The following SIGLEC10 variants were observed in gnomAD, a reference collection of about 807,000 sequenced individuals.
The protein encoded by SIGLEC10 is sialic acid binding Ig like lectin 10.
SIGLEC10 carries 45 observed loss-of-function variants against 68.3 expected under a neutral mutation model. The observed-to-expected ratio is 0.66, with a 90% CI of 0.52 to 0.84. The LOEUF is 0.84. Ranked by LOEUF, SIGLEC10 falls within the 40% of genes least tolerant of loss-of-function variation. The pLI, the probability that SIGLEC10 is intolerant of heterozygous loss-of-function variation, is 0.00. For synonymous variants in SIGLEC10, 379 were observed against 370.8 expected (o/e 1.02, Z -0.26); for missense variants, 789 against 883.1 (o/e 0.89, Z 1.35).
chr19:51,417,117 T>C lies in SIGLEC10; in HGVS notation c.386A>G (p.Asn129Ser). ...RVERGSYVRYNFMNDGFFLKV... is the reference protein window; with the variant it reads ...RVERGSYVRYSFMNDGFFLKV... ...TAGAAAGAACCCATCGTTCATGAAA[T>C]TATATCTCACATAGCTTCCTCTCTC... Residue 129 changes from asparagine (N) to serine (S), a missense_variant, in exon 2 of 11, where the codon AAT becomes AGT. Coordinates refer to ENST00000339313, the MANE Select transcript of SIGLEC10 (RefSeq NM_033130.5). 2 of 1,614,142 alleles carry C rather than the reference T, an allele frequency of 1.2e-6. No homozygotes were observed. Among genetic ancestry groups the C allele is most frequent in the East Asian group, 4.5e-5 (2 of 44,878 alleles).
chr19:51,417,200 G>C lies in SIGLEC10; in HGVS notation c.303C>G (p.Cys101Trp), dbSNP rs754850148. Residue 101 changes from cysteine to tryptophan, a missense_variant, in exon 2 of 11, where the codon TGC becomes TGG. Cys to Trp is a radical substitution (Grantham distance 215, BLOSUM62 -2). Transcript: ENST00000339313. ...TCTGCGCGTCTCTGATCACCAAGGA[G>C]CAGTTCCCCTTGGCGGGATCCCCAG... ...QLTGDPAKGN[C>W]SLVIRDAQMQ... The C allele has an allele frequency of 6.2e-7, 1 of 1,614,220 alleles. No homozygotes were observed. The highest frequency in any genetic ancestry group is 1.1e-5 in the South Asian group (1 of 91,084).
Position 51,416,017 on chromosome 19 carries a change from C to A in SIGLEC10, c.905G>T (p.Gly302Val), listed in dbSNP as rs1191523341. 6.2e-7 allele frequency: 1 copy of A among 1,613,300 alleles called. No individual in the cohort carries two copies. The highest frequency in any genetic ancestry group is 1.3e-5 in the African/African-American group (1 of 74,908). Residue 302 changes from glycine to valine, a missense_variant, in exon 5 of 11, where the codon GGC (glycine) becomes GTC (valine). Coordinates refer to ENST00000339313, the MANE Select transcript of SIGLEC10 (RefSeq NM_033130.5). ...CAGCTCCAGCCCCAGGGGTCTAGGG[C>A]CCCAGGGATGGGACGAGGAGAGGAC... ...NRVLSSSHPW[G>V]PRPLGLELPG...
Position 51,415,322 on chromosome 19 carries a change from G to C in SIGLEC10, c.1189C>G (p.Gln397Glu). 2 of 1,613,794 alleles carry C rather than the reference G, an allele frequency of 1.2e-6. No homozygotes were observed. Among genetic ancestry groups the C allele is most frequent in the Non-Finnish European group, 1.7e-6 (2 of 1,179,810 alleles). The change falls in exon 7 of 11, where the codon CAG becomes GAG. Residue 397 changes from glutamine to glutamate, a missense_variant. Coordinates refer to ENST00000339313, the MANE Select transcript of SIGLEC10 (RefSeq NM_033130.5). ...PARLSWTQRG[Q>E]VLSPSQPSDP... is the part of the protein sequence containing the mutation. ...GAGGGCTGGGAGGGGCTCAGAACCTGTCCCCTCTGGGTCCAGCTCAGCCTG... is the reference window on the plus strand; with the variant it reads ...GAGGGCTGGGAGGGGCTCAGAACCTCTCCCCTCTGGGTCCAGCTCAGCCTG...
At position 51,415,115 on chromosome 19, in the gene SIGLEC10, G is replaced by C. The variant is rs1377468474; in HGVS notation, c.1331-7C>G. 6.4e-7 allele frequency: 1 copy of C among 1,571,692 alleles called. No homozygotes were observed. The highest frequency in any genetic ancestry group is 1.2e-5 in the South Asian group (1 of 84,406). The stretch of plus-strand genomic sequence containing the variant: ...CCCAGCAGCTTCGGGGAGTCTGAGG[G>C]GAGGGAGGACAGGACTCAGCAGGGT... On this transcript the variant is annotated splice_polypyrimidine_tract_variant and splice_region_variant and intron_variant, in intron 7 of 10. Transcript: ENST00000339313.
In SIGLEC10 at chr19:51,416,679, T is replaced by G. The variant is rs1428952619; in HGVS notation, c.693A>C (p.Arg231=). The change falls in exon 3 of 11, where the codon CGA becomes CGC. Residue 231 remains arginine, a synonymous_variant. Transcript: ENST00000339313. Reference sequence around the variant, plus strand: ...GGCCACACTCACAGGCCACACGGAGTCGGACGGTCCTCTGTGCGCTCACAC... The same window carrying G: ...GGCCACACTCACAGGCCACACGGAGGCGGACGGTCCTCTGTGCGCTCACAC... The part of the protein sequence containing the change: ...RKGVSAQRTV[R]LRVAYAPRDL... The G allele has an allele frequency of 6.2e-7, 1 of 1,613,294 alleles. No homozygotes were observed. The highest frequency in any genetic ancestry group is 8.5e-7 in the Non-Finnish European group (1 of 1,179,944).
chr19:51,415,871 C>T, intron 5 of SIGLEC10, 27 bp downstream of exon 5: 3 of 1,612,070 alleles, frequency 1.9e-6, no homozygotes, highest in Non-Finnish European at 2.5e-6. Context: ...TCCCAATGGA[C>T]TCCAGGCCCC....
chr19:51,417,363 CG>C lies in SIGLEC10; in HGVS notation c.139del (p.Arg47AspfsTer18). ...ISVPCSFSYP[R>X]QDWTGSTPAY... ...TGGGGTAGACCCTGTCCAGTCCTGT[CG>C]GGGGTAGGAGAAAGAGCAGGGCACA... On this transcript the variant is annotated frameshift_variant, in exon 2 of 11. Transcript: ENST00000339313. LOFTEE classifies it high-confidence loss of function. 1.2e-6 allele frequency: 2 copies of C among 1,614,176 alleles called. No homozygotes were observed. Among genetic ancestry groups the C allele is most frequent in the Non-Finnish European group, 1.7e-6 (2 of 1,180,022 alleles).
In SIGLEC10 at chr19:51,415,189, G is replaced by A; in HGVS notation, c.1322C>T (p.Ser441Phe). 3 of 1,606,480 alleles carry A rather than the reference G, an allele frequency of 1.9e-6. No homozygotes were observed. Among genetic ancestry groups the A allele is most frequent in the Non-Finnish European group, 2.6e-6 (3 of 1,175,998 alleles). Reference protein sequence around the residue: ...LGSQHVSLSLSVHYSPKLLGP... With the variant: ...LGSQHVSLSLFVHYSPKLLGP... Reference sequence around the variant, plus strand: ...CCCTTTCCCCCACTCACAGTGCACGGAGAGGCTGAGAGAGACGTGCTGGGA... The same window carrying A: ...CCCTTTCCCCCACTCACAGTGCACGAAGAGGCTGAGAGAGACGTGCTGGGA... The change falls in exon 7 of 11, where the codon TCC becomes TTC. Residue 441 changes from serine (S) to phenylalanine (F), a missense_variant. Physicochemically the swap from Ser to Phe is radical, Grantham distance 155. Transcript: ENST00000339313.
Position 51,411,171 on chromosome 19 carries a change from G to T in SIGLEC10, c.2022C>A (p.Gly674=). Residue 674 remains glycine, a synonymous_variant, in exon 11 of 11, where the codon GGC becomes GGA. Coordinates refer to ENST00000339313, the MANE Select transcript of SIGLEC10 (RefSeq NM_033130.5). ...TCCGGGCCTCAGGCCTGGGTCTGACGCCTGGGAAGTTGAGCGTGGCATAAT... is the reference window on the plus strand; with the variant it reads ...TCCGGGCCTCAGGCCTGGGTCTGACTCCTGGGAAGTTGAGCGTGGCATAAT... ...ELHYATLNFP[G]VRPRPEARMP... 6.2e-7 allele frequency: 1 copy of T among 1,614,192 alleles called. No homozygotes were observed.
Position 51,415,374 on chromosome 19 carries a change from G to T in SIGLEC10, c.1137C>A (p.Val379=), listed in dbSNP as rs1334915150. The T allele has an allele frequency of 6.2e-7, 1 of 1,612,274 alleles. No homozygotes were observed. Among genetic ancestry groups the T allele is most frequent in the East Asian group, 2.2e-5 (1 of 44,844 alleles). Reference sequence around the variant, plus strand: ...CTGGGGGGCTGCTGTGTGTGACACAGACCAGGCACAGGCTTTGGCCCTCCA... The same window carrying T: ...CTGGGGGGCTGCTGTGTGTGACACATACCAGGCACAGGCTTTGGCCCTCCA... ...PVLEGQSLCL[V]CVTHSSPPAR... Residue 379 remains valine (V), a synonymous_variant, in exon 7 of 11, where the codon GTC becomes GTA. Coordinates refer to ENST00000339313, the MANE Select transcript of SIGLEC10 (RefSeq NM_033130.5).
Position 51,415,105 on chromosome 19 carries a change from G to A in SIGLEC10, c.1334C>T (p.Ser445Phe), listed in dbSNP as rs1165093361. 1.3e-6 allele frequency: 2 copies of A among 1,573,550 alleles called. No individual in the cohort carries two copies. Among genetic ancestry groups the A allele is most frequent in the South Asian group, 2.4e-5 (2 of 85,020 alleles). Residue 445 changes from serine to phenylalanine, a missense_variant, in exon 8 of 11, where the codon TCC becomes TTC. Physicochemically the swap from Ser to Phe is radical, Grantham distance 155. Coordinates refer to ENST00000339313, the MANE Select transcript of SIGLEC10 (RefSeq NM_033130.5). ...HVSLSLSVHY[S>F]PKLLGPSCSW... ...GCAGGAGGGGCCCAGCAGCTTCGGGGAGTCTGAGGGGAGGGAGGACAGGAC... is the reference window on the plus strand; with the variant it reads ...GCAGGAGGGGCCCAGCAGCTTCGGGAAGTCTGAGGGGAGGGAGGACAGGAC...
At chr19:51,411,414 T>G in intron 10 of SIGLEC10, 43 bp from the exon 11 acceptor site, 1 of 1,608,518 alleles carries the variant, frequency 6.2e-7, no homozygotes, top group Non-Finnish European at 8.5e-7. Context: ...ATTCAGCAAA[T>G]ATTTGAGCAC....
In SIGLEC10 at chr19:51,414,373, T is replaced by C. The variant is rs1403747671; in HGVS notation, c.1709+49A>G. The C allele has an allele frequency of 6.6e-7, 1 of 1,525,854 alleles. No homozygotes were observed. The highest frequency in any genetic ancestry group is 2.3e-5 in the East Asian group (1 of 44,062). The allele number at this position is 1,525,854 out of a possible 1,614,324, so 94.5% of individuals were successfully genotyped here. A position where few individuals can be genotyped will look rare whatever the true frequency, so the allele number is the denominator to read the frequency against. On this transcript the variant is annotated intron_variant, in intron 9 of 10. Coordinates refer to ENST00000339313, the MANE Select transcript of SIGLEC10 (RefSeq NM_033130.5). This position sits in a 1 kb window ranked among gnomAD's most constrained non-coding sequence, Gnocchi z 4.1. ...CTCTTTCGGCCTGCAACACCTCCCC[T>C]CTTCCTGGGTCCAGGCCCCAGACCC... is the stretch of plus-strand genomic sequence containing the variant.
Position 51,411,229 on chromosome 19 carries a change from G to T in SIGLEC10, c.1964C>A (p.Ala655Asp). ...SFPEPKSSTQAPESQESQEEL... is the reference protein window; with the variant it reads ...SFPEPKSSTQDPESQESQEEL... ...CTCTTGGCTCTCCTGGGATTCTGGG[G>T]CTTGAGTGGATGATTTGGGTTCTGG... The change falls in exon 11 of 11, where the codon GCC becomes GAC. Residue 655 changes from alanine (A) to aspartate (D), a missense_variant. Transcript: ENST00000339313. The T allele has an allele frequency of 6.2e-7, 1 of 1,614,160 alleles. No homozygotes were observed. The highest frequency in any genetic ancestry group is 8.5e-7 in the Non-Finnish European group (1 of 1,180,036).
At chr19:51,415,837 C>T (rs1446480321) in intron 5 of SIGLEC10, 61 bp downstream of exon 5, 14 of 1,606,260 alleles carry the variant, frequency 8.7e-6, no homozygotes, top group Non-Finnish European at 1.1e-5. Context: ...GGACCCTGAG[C>T]CCAGCCCCTG....
In SIGLEC10 at chr19:51,417,479, G is replaced by A. The variant is rs767527807; in HGVS notation, c.38-14C>T. ...TAGCCTGGGACCCTGTGGGGAGACA[G>A]AGGCTCAACCTGCAACCCCAGCCCT... On this transcript the variant is annotated splice_polypyrimidine_tract_variant and intron_variant, in intron 1 of 10. Coordinates refer to ENST00000339313, the MANE Select transcript of SIGLEC10 (RefSeq NM_033130.5). 3.1e-6 allele frequency: 5 copies of A among 1,613,724 alleles called. No homozygotes were observed. The African/African-American group carries it at 6.7e-5, about 22-fold the overall frequency.
At position 51,417,344 on chromosome 19, in the gene SIGLEC10, A is replaced by G. The variant is rs1568503349; in HGVS notation, c.159T>C (p.Ser53=). The change falls in exon 2 of 11, where the codon TCT becomes TCC. Residue 53 remains serine (S), a synonymous_variant. Transcript: ENST00000339313. ...TGAACCAGTAGCCATAAGCTGGGGT[A>G]GACCCTGTCCAGTCCTGTCGGGGGT... ...FSYPRQDWTG[S]TPAYGYWFKA... is the part of the protein sequence containing the mutation. 6.2e-7 allele frequency: 1 copy of G among 1,614,212 alleles called. No individual in the cohort carries two copies. The highest frequency in any genetic ancestry group is 1.7e-5 in the Admixed American group (1 of 60,026).
rs576918080 is a variant in SIGLEC10 at position 51,417,370 on chromosome 19, A to G, written c.133T>C (p.Tyr45His). 2 of 1,614,202 alleles carry G rather than the reference A, an allele frequency of 1.2e-6. No individual in the cohort carries two copies. The highest frequency in any genetic ancestry group is 2.2e-5 in the South Asian group (2 of 91,088). The change falls in exon 2 of 11, where the codon TAC becomes CAC. Residue 45 changes from tyrosine to histidine, a missense_variant. Transcript: ENST00000339313. Reference protein sequence around the residue: ...LCISVPCSFSYPRQDWTGSTP... With the variant: ...LCISVPCSFSHPRQDWTGSTP... ...GACCCTGTCCAGTCCTGTCGGGGGT[A>G]GGAGAAAGAGCAGGGCACAGAGATG...
chr19:51,411,262 G>C lies in SIGLEC10; in HGVS notation c.1931C>G (p.Pro644Arg). ...GGATGATTTGGGTTCTGGGAAACTG[G>C]GCAACTGATACTGCTTTTTCTGGTT... ...KKNQKKQYQL[P>R]SFPEPKSSTQ... Residue 644 changes from proline to arginine, a missense_variant, in exon 11 of 11, where the codon CCC becomes CGC. Physicochemically the swap from Pro to Arg is moderately radical, Grantham distance 103. Transcript: ENST00000339313. 6.2e-7 allele frequency: 1 copy of C among 1,614,144 alleles called. No individual in the cohort carries two copies. Among genetic ancestry groups the C allele is most frequent in the Non-Finnish European group, 8.5e-7 (1 of 1,180,034 alleles).
Sources: gnomAD v4.1 joint callset for allele counts on GRCh38, gnomAD v4.1.1 for gene constraint, Gnocchi (gnomAD v3.1) non-coding constraint, MANE v1.5 for transcripts, NCBI Gene and HGNC (gene_info 2026-07-23, HGNC 2026-07-21) for gene names.